The following MED14 variants were observed in gnomAD, a reference collection of about 807,000 sequenced individuals.
MED14 encodes the protein mediator of RNA polymerase II transcription subunit 14.
MED14 carries 8 observed loss-of-function variants against 109.0 expected under a neutral mutation model. The observed-to-expected ratio is 0.07, with a 90% CI of 0.04 to 0.13. The LOEUF is 0.13. Among genes scored for constraint, MED14 ranks in the 10% least tolerant of loss-of-function variants. The pLI, the probability that MED14 is intolerant of heterozygous loss-of-function variation, is 1.00. For synonymous variants in MED14, 399 were observed against 408.7 expected, an observed-to-expected ratio of 0.98 and a Z score of 0.29; for missense variants, 711 against 1,142.4, an observed-to-expected ratio of 0.62 and a Z score of 5.44.
intron 16 of MED14, among the ~76,000 whole-genome samples, chrX:40,687,045 C>T (rs2146665161): frequency 9.0e-6 from 1 of 111,660 alleles, no homozygotes; most frequent in African/African-American, 3.3e-5. Flanking sequence ...ATTACTATCA[C>T]CATGGTGATG....
At chrX:40,652,777 A>G (rs1928920772) in intron 30 of MED14, among the ~76,000 whole-genome samples, 1 of 111,524 alleles carries the variant, frequency 9.0e-6, no homozygotes, top group Non-Finnish European at 1.9e-5. Context: ...AATTATTACA[A>G]GTATTTAAAT....
chrX:40,654,635 T>A, intron 29 of MED14, 79 bp from the exon 30 acceptor site: 1 of 1,001,965 alleles, frequency 1.0e-6, no homozygotes. Flanking sequence ...TACTATCATT[T>A]ACTGTACTTT....
intron 3 of MED14, among the ~76,000 whole-genome samples, chrX:40,715,648 C>T (rs1013509978): frequency 7.4e-5 from 8 of 108,080 alleles, no homozygotes; most frequent in Admixed American, 4.0e-4. Context: ...TAGCTGGGCG[C>T]GGTGGCACGA....
Position 40,735,373 on chromosome X carries a change from G to A in MED14, c.40C>T (p.Pro14Ser), listed in dbSNP as rs1415616004. ...VQLENHQLVP[P>S]GGGGGGSGGP... ...CCGCTGCCCCCGCCGCCGCCTCCGG[G>A]CGGGACCAGCTGGTGGTTCTCCAGC... Residue 14 changes from proline (P) to serine (S), a missense_variant, in exon 1 of 31, where the codon CCC (proline) becomes TCC (serine). Physicochemically the swap from Pro to Ser is moderately conservative, Grantham distance 74 (BLOSUM62 -1). Transcript: ENST00000324817. The A allele has an allele frequency of 1.9e-6, 2 of 1,067,731 alleles. No individual in the cohort carries two copies. The highest frequency in any genetic ancestry group is 2.5e-5 in the South Asian group (1 of 39,368). 88.0% of individuals were successfully genotyped at this position (1,067,731 alleles called of 1,213,427 possible).
chrX:40,706,299 G>A (rs1931140139), intron 10 of MED14, among the ~76,000 whole-genome samples: 1 of 111,516 alleles, frequency 9.0e-6, no homozygotes, highest in Non-Finnish European at 1.9e-5. Flanking sequence ...ATGGTGGGTC[G>A]GCAGACCCTT....
intron 11 of MED14, among the ~76,000 whole-genome samples, chrX:40,701,823 G>A (rs181273887): frequency 2.2e-4 from 25 of 111,462 alleles, no homozygotes; most frequent in African/African-American, 7.8e-4. Context: ...ACAAAGTATA[G>A]AAAAAATTAG....
intron 3 of MED14, among the ~76,000 whole-genome samples, chrX:40,723,835 T>A (rs1931814747): frequency 1.8e-5 from 2 of 109,357 alleles, no homozygotes; most frequent in African/African-American, 6.7e-5. Flanking sequence ...CAGGAGTAAA[T>A]CTCTACTTAT....
intron 14 of MED14, 144 bp from the exon 15 acceptor site, chrX:40,692,461 C>A: frequency 1.9e-6 from 1 of 513,718 alleles, no homozygotes; most frequent in Non-Finnish European, 3.1e-6. Context: ...TAAATACTGA[C>A]CTAAACACTG....
chrX:40,663,172 G>A lies in MED14; in HGVS notation c.3449-12C>T. The A allele has an allele frequency of 8.7e-7, 1 of 1,146,421 alleles. No individual in the cohort carries two copies. The highest frequency in any genetic ancestry group is 1.2e-6 in the Non-Finnish European group (1 of 838,525). The allele number at this position is 1,146,421 out of a possible 1,213,427, so 94.5% of individuals were successfully genotyped here. On this transcript the variant is annotated splice_polypyrimidine_tract_variant and intron_variant, in intron 25 of 30. Coordinates refer to ENST00000324817, the MANE Select transcript of MED14 (RefSeq NM_004229.4). ...CATTGTTTGAGAACCTTTTGGGAAGGAAAACATGTTATGTCATTTACAAAT... is the reference window on the plus strand; with the variant it reads ...CATTGTTTGAGAACCTTTTGGGAAGAAAAACATGTTATGTCATTTACAAAT...
intron 3 of MED14, among the ~76,000 whole-genome samples, chrX:40,721,871 A>G (rs1931732099): frequency 8.9e-6 from 1 of 112,739 alleles, no homozygotes; most frequent in Non-Finnish European, 1.9e-5. Flanking sequence ...TTGGTAATCC[A>G]GAGAAATCTT....
At position 40,685,816 on chromosome X, in the gene MED14, T is replaced by C. The variant is rs769104240; in HGVS notation, c.2057+2638A>G. ...TCAAGGAGGCCTGCTTAACAAATTT[T>C]CAAGGGGATAAAGTAGAACAAGAAC... On this transcript the variant is annotated intron_variant, in intron 16 of 30. Transcript: ENST00000324817. 3.2e-3 allele frequency among the ~76,000 whole-genome samples: 355 copies of C among 112,392 alleles called. 5 individuals are homozygous for C. The highest frequency in any genetic ancestry group is 0.01 in the African/African-American group (321 of 30,996).
intron 23 of MED14, among the ~76,000 whole-genome samples, chrX:40,668,750 C>G (rs1455277892): frequency 3.6e-5 from 4 of 111,864 alleles, no homozygotes; most frequent in South Asian, 7.3e-4. Context: ...GTTTAATTCA[C>G]AAATTAAGCA....
intron 11 of MED14, among the ~76,000 whole-genome samples, chrX:40,702,346 GTTT>G (rs35345632): frequency 1.2e-5 from 1 of 82,201 alleles, no homozygotes; most frequent in African/African-American, 4.9e-5. Context: ...TATAAGTTTT[GTTT>G]TTTTTTTTTT....
At chrX:40,654,175 A>C in intron 30 of MED14, 189 bp downstream of exon 30, 2 of 425,196 alleles carry the variant, frequency 4.7e-6, no homozygotes, top group Non-Finnish European at 8.0e-6. Context: ...AATGGACAAA[A>C]ATGAAGAACC....
chrX:40,710,010 G>C lies in MED14; in HGVS notation c.1142C>G (p.Ser381Cys). The change falls in exon 9 of 31, where the codon TCT becomes TGT. Residue 381 changes from serine (S) to cysteine (C), a missense_variant. Physicochemically the swap from Ser to Cys is moderately radical, Grantham distance 112. Coordinates refer to ENST00000324817, the MANE Select transcript of MED14 (RefSeq NM_004229.4). Reference sequence around the variant, plus strand: ...GGCTCTTTCTACTAATTTGGAATCAGAAGCTGGCAAAGGAGGATCGTGAAA... The same window carrying C: ...GGCTCTTTCTACTAATTTGGAATCACAAGCTGGCAAAGGAGGATCGTGAAA... ...QIFHDPPLPA[S>C]DSKLVERAMK... The C allele has an allele frequency of 8.5e-7, 1 of 1,182,047 alleles. No homozygotes were observed. The highest frequency in any genetic ancestry group is 1.1e-6 in the Non-Finnish European group (1 of 878,752).
intron 16 of MED14, among the ~76,000 whole-genome samples, chrX:40,684,723 A>G (rs926636016): frequency 1.8e-5 from 2 of 112,371 alleles, no homozygotes; most frequent in Non-Finnish European, 3.8e-5. Context: ...CAAATAAAAC[A>G]GGTTTTTCAC....
Position 40,726,730 on chromosome X carries a change from A to G in MED14, c.348+16T>C, listed in dbSNP as rs750232650. On this transcript the variant is annotated intron_variant, in intron 3 of 30. Coordinates refer to ENST00000324817, the MANE Select transcript of MED14 (RefSeq NM_004229.4). ...AAAGTTATTTTATACAAAGTAAAAT[A>G]AAAAGTTTAACTCACCGCACATTTT... 3.5e-6 allele frequency: 4 copies of G among 1,153,568 alleles called. No homozygotes were observed. Among genetic ancestry groups the G allele is most frequent in the Non-Finnish European group, 4.7e-6 (4 of 851,514 alleles).
chrX:40,670,984 C>G (rs976008343), intron 23 of MED14, among the ~76,000 whole-genome samples: 2 of 111,731 alleles, frequency 1.8e-5, no homozygotes, highest in African/African-American at 6.5e-5. Flanking sequence ...TATATTTACA[C>G]TAGATAAAAG....
chrX:40,667,075 G>A (rs779952100), intron 23 of MED14, among the ~76,000 whole-genome samples: 6 of 111,005 alleles, frequency 5.4e-5, no homozygotes, highest in East Asian at 2.8e-4. Flanking sequence ...AAAAAAATCC[G>A]GTGTACTTTT....
Sources: gnomAD v4.1 joint callset for allele counts (sites outside exome capture counted in the v4.1 genomes callset) on GRCh38, gnomAD v4.1.1 for gene constraint, MANE v1.5 for transcripts, NCBI Gene and HGNC (gene_info 2026-07-23, HGNC 2026-07-21) for gene names.